Variants in PCDHA6 observed in about 807,000 individuals in gnomAD.
PCDHA6 encodes the protein protocadherin alpha-6.
Under a neutral mutation model 60.3 loss-of-function variants are expected in PCDHA6, and 55 were observed. The observed-to-expected ratio is 0.91, with a 90% confidence interval of 0.73 to 1.14. PCDHA6 has a LOEUF of 1.14. Ranked by LOEUF, PCDHA6 falls within the 50% of genes most tolerant of loss-of-function variation. PCDHA6 has a pLI of 0.00. For missense variants in PCDHA6, 1,327 were observed against 1,256.5 expected (o/e 1.06, Z -0.85); for synonymous variants, 652 against 557.9 (o/e 1.17, Z -2.38).
At chr5:140,917,892 T>C (rs1382149175) in intron 1 of PCDHA6, among the ~76,000 whole-genome samples, 2 of 152,104 alleles carry the variant, frequency 1.3e-5, no homozygotes, top group African/African-American at 4.8e-5. Flanking sequence ...TTTTTCCATA[T>C]GAATGTTAGG....
chr5:140,907,412 A>G (rs889699438), intron 1 of PCDHA6, among the ~76,000 whole-genome samples: 5 of 152,232 alleles, frequency 3.3e-5, no homozygotes, highest in Non-Finnish European at 7.3e-5. Flanking sequence ...GAATACCACG[A>G]TGGTGGATAA....
At chr5:140,903,787 A>G (rs782220484) in intron 1 of PCDHA6, among the ~76,000 whole-genome samples, 10 of 152,174 alleles carry the variant, frequency 6.6e-5, no homozygotes, top group Non-Finnish European at 1.3e-4. Context: ...TAAACTATCT[A>G]TGGTTGTAAT....
At chr5:140,978,405 A>G (rs919688095) in intron 1 of PCDHA6, among the ~76,000 whole-genome samples, 1 of 152,220 alleles carries the variant, frequency 6.6e-6, no homozygotes, top group Non-Finnish European at 1.5e-5. Context: ...TCCCTCTTCA[A>G]TCAGAAAAGA....
At chr5:140,995,087 C>T (rs1482673933) in intron 3 of PCDHA6, among the ~76,000 whole-genome samples, 1 of 152,222 alleles carries the variant, frequency 6.6e-6, no homozygotes, top group Non-Finnish European at 1.5e-5. Flanking sequence ...CCAAACTTAT[C>T]TGTGGAGATA....
At chr5:140,952,098 C>T (rs1337442909) in intron 1 of PCDHA6, among the ~76,000 whole-genome samples, 2 of 152,108 alleles carry the variant, frequency 1.3e-5, no homozygotes, top group African/African-American at 4.8e-5. Flanking sequence ...ACATCCAGGG[C>T]ACACTCGTGT....
intron 1 of PCDHA6, among the ~76,000 whole-genome samples, chr5:140,910,576 C>T (rs1305355365): frequency 6.6e-6 from 1 of 152,174 alleles, no homozygotes; most frequent in African/African-American, 2.4e-5. Context: ...TTTTCTGGAT[C>T]CTCCCAGCTG....
chr5:140,928,719 T>C (rs1554206226), intron 1 of PCDHA6: 31 of 1,614,044 alleles, frequency 1.9e-5, no homozygotes, highest in Non-Finnish European at 2.5e-5. Flanking sequence ...CTAGTCTCTT[T>C]AGAATTTCAG....
chr5:140,836,713 C>T, intron 1 of PCDHA6: 2 of 1,613,054 alleles, frequency 1.2e-6, no homozygotes, highest in Non-Finnish European at 1.7e-6. Flanking sequence ...CCCAGCCTTC[C>T]TCAGGGTCCA....
intron 3 of PCDHA6, among the ~76,000 whole-genome samples, chr5:141,004,580 A>G (rs782539696): frequency 5.3e-5 from 8 of 152,222 alleles, no homozygotes; most frequent in Non-Finnish European, 1.2e-4. Context: ...TGTGTTCTGC[A>G]TCTCCAGATG....
intron 1 of PCDHA6, chr5:140,851,772 A>G (rs1236960091): frequency 1.0e-6 from 1 of 968,722 alleles, no homozygotes; most frequent in Non-Finnish European, 1.2e-6. Context: ...ACCCTTATGA[A>G]TTTAGATGAG....
At chr5:140,842,539 G>T (rs182995378) in intron 1 of PCDHA6, 7 of 1,610,436 alleles carry the variant, frequency 4.3e-6, no homozygotes, top group African/African-American at 1.3e-5. Context: ...ATTACTACTC[G>T]TTGGTGCTGG....
intron 1 of PCDHA6, among the ~76,000 whole-genome samples, chr5:140,922,137 T>A (rs1235551628): frequency 2.0e-5 from 3 of 151,994 alleles, no homozygotes; most frequent in African/African-American, 7.3e-5. Context: ...TCTCTTATCC[T>A]CCATGAAACT....
chr5:140,962,248 A>G (rs782618740), intron 1 of PCDHA6, among the ~76,000 whole-genome samples: 5 of 152,182 alleles, frequency 3.3e-5, no homozygotes, highest in Non-Finnish European at 5.9e-5. Context: ...ATTTTCTTCA[A>G]TGAAAAATAA....
chr5:140,846,373 CTTT>C (rs374699051), intron 1 of PCDHA6, among the ~76,000 whole-genome samples: 4 of 55,148 alleles, frequency 7.3e-5, no homozygotes, highest in Middle Eastern at 0.012. Flanking sequence ...TTCTTTCTTT[CTTT>C]TTTTTTTTTT....
At chr5:140,977,978 G>A (rs1401757319) in intron 1 of PCDHA6, among the ~76,000 whole-genome samples, 2 of 152,048 alleles carry the variant, frequency 1.3e-5, no homozygotes, top group Non-Finnish European at 2.9e-5. Flanking sequence ...CCATGAAAAC[G>A]CATCTAGAGG....
chr5:140,853,105 T>G, intron 1 of PCDHA6: 1 of 397,242 alleles, frequency 2.5e-6, no homozygotes, highest in African/African-American at 2.2e-5. Context: ...GGTCTCGATC[T>G]CCTGACCTCA....
chr5:140,857,377 G>C (rs1347476888), intron 1 of PCDHA6: 3 of 1,598,472 alleles, frequency 1.9e-6, no homozygotes, highest in Non-Finnish European at 1.7e-6. Flanking sequence ...TGTCTGTGGA[G>C]GTGGCCGACG....
At chr5:140,849,934 G>C (rs2150458402) in intron 1 of PCDHA6, 4 of 1,598,054 alleles carry the variant, frequency 2.5e-6, no homozygotes, top group Non-Finnish European at 3.4e-6. Flanking sequence ...GTGTCTGCGC[G>C]GGACGCTGAC....
chr5:140,957,827 T>C (rs2095387768), intron 1 of PCDHA6, among the ~76,000 whole-genome samples: 1 of 150,810 alleles, frequency 6.6e-6, no homozygotes, highest in Admixed American at 6.7e-5. Flanking sequence ...TAAGAGAAAG[T>C]GTTAATTGAT....
Sources: allele counts gnomAD v4.1 joint callset (sites outside exome capture counted in the v4.1 genomes callset), GRCh38; gene constraint gnomAD v4.1.1; transcripts MANE v1.5; gene names NCBI Gene and HGNC (gene_info 2026-07-23, HGNC 2026-07-21).